GALNT13: variants seen among roughly 807,000 people sequenced by gnomAD.
GALNT13 encodes UDP-GalNAc:polypeptide N-acetylgalactosaminyltransferase 13.
GALNT13 carries 28 observed loss-of-function variants against 64.2 expected under a neutral mutation model. The observed-to-expected ratio is 0.44, with a 90% CI of 0.32 to 0.60. GALNT13 has a LOEUF of 0.60. Among genes scored for constraint, GALNT13 ranks in the 20% least tolerant of loss-of-function variants. GALNT13 has a pLI of 0.05. For synonymous variants in GALNT13, 214 were observed against 224.6 expected (o/e 0.95, Z 0.42); for missense variants, 577 against 669.8 (o/e 0.86, Z 1.53).
At chr2:153,175,317 G>A in the GALNT13 span, among the ~76,000 whole-genome samples, 35 of 152,292 alleles carry the variant, frequency 2.3e-4, no homozygotes, top group South Asian at 3.1e-3. Context: ...GTTTGTATGT[G>A]TGTGTTTATA....
the GALNT13 span, among the ~76,000 whole-genome samples, chr2:153,864,648 AGAAATAAAAGAGGATACAAACAAATG>A: frequency 1.3e-5 from 2 of 152,038 alleles, no homozygotes; most frequent in Non-Finnish European, 1.5e-5. Context: ...CACTGCTCAA[AGAAATAAAAGAGGATACAAACAAATG>A]GAAGAACATT....
intron 3 of GALNT13, among the ~76,000 whole-genome samples, chr2:154,021,469 A>G (rs1697485924): frequency 6.6e-6 from 1 of 152,172 alleles, no homozygotes; most frequent in Non-Finnish European, 1.5e-5. Context: ...AACAATTGTG[A>G]ATGGGAATTC....
At chr2:153,713,209 T>C in the GALNT13 span, among the ~76,000 whole-genome samples, 7 of 152,330 alleles carry the variant, frequency 4.6e-5, no homozygotes. Context: ...AAAAATACTT[T>C]TATTTTTTAG....
At chr2:153,090,154 G>A in the GALNT13 span, among the ~76,000 whole-genome samples, 1,096 of 152,262 alleles carry the variant, frequency 7.2e-3, 12 homozygotes, top group African/African-American at 0.025. Context: ...ATCCTTTGGC[G>A]TGGTGCTCTC....
At chr2:153,702,989 C>T in the GALNT13 span, among the ~76,000 whole-genome samples, 2 of 151,946 alleles carry the variant, frequency 1.3e-5, no homozygotes, top group Non-Finnish European at 2.9e-5. Context: ...GAAACAGATG[C>T]CATTGAAGTA....
At chr2:153,782,062 C>T in the GALNT13 span, among the ~76,000 whole-genome samples, 1 of 152,042 alleles carries the variant, frequency 6.6e-6, no homozygotes, top group Non-Finnish European at 1.5e-5. Context: ...GAATTTCATC[C>T]CACCACCCCC....
the GALNT13 span, among the ~76,000 whole-genome samples, chr2:153,593,536 T>C: frequency 6.6e-6 from 1 of 152,184 alleles, no homozygotes; most frequent in Non-Finnish European, 1.5e-5. Flanking sequence ...TTAATAATCC[T>C]GTTGCTTTTG....
intron 3 of GALNT13, among the ~76,000 whole-genome samples, chr2:154,018,945 T>C (rs906166935): frequency 6.9e-6 from 1 of 144,192 alleles, no homozygotes; most frequent in Non-Finnish European, 1.5e-5. Context: ...AGGGAGGGAA[T>C]AGAGAGAAAT....
At chr2:154,411,539 C>T (rs1471990510) in intron 11 of GALNT13, among the ~76,000 whole-genome samples, 1 of 151,574 alleles carries the variant, frequency 6.6e-6, no homozygotes, top group Non-Finnish European at 1.5e-5. Context: ...AAAAACAATC[C>T]AGACAACTTA....
chr2:153,156,762 C>A, the GALNT13 span, among the ~76,000 whole-genome samples: 3 of 152,192 alleles, frequency 2.0e-5, no homozygotes, highest in Admixed American at 2.0e-4. Context: ...GTGTTTAGGG[C>A]ATGATGCAGC....
chr2:153,375,016 CAGTGACTATAGTGGATTTG>C, the GALNT13 span, among the ~76,000 whole-genome samples: 1 of 152,154 alleles, frequency 6.6e-6, no homozygotes, highest in Admixed American at 6.5e-5. Flanking sequence ...GTACCTGGGA[CAGTGACTATAGTGGATTTG>C]ATATGTAGAA....
intron 1 of GALNT13, among the ~76,000 whole-genome samples, chr2:153,882,804 A>G (rs1686871520): frequency 6.6e-6 from 1 of 151,376 alleles, no homozygotes; most frequent in African/African-American, 2.4e-5. Context: ...AACTTTTATA[A>G]TTTTGTAGAA....
At chr2:153,673,377 A>G in the GALNT13 span, among the ~76,000 whole-genome samples, 1 of 152,220 alleles carries the variant, frequency 6.6e-6, no homozygotes, top group Non-Finnish European at 1.5e-5. Context: ...AGACAGCTTC[A>G]TCCCTGGGAT....
the GALNT13 span, among the ~76,000 whole-genome samples, chr2:153,275,196 CATTT>C: frequency 2.5e-4 from 38 of 152,208 alleles, no homozygotes; most frequent in Non-Finnish European, 4.3e-4. Flanking sequence ...TAGAAACACA[CATTT>C]AGTTTAGTGA....
intron 3 of GALNT13, among the ~76,000 whole-genome samples, chr2:153,980,867 A>G (rs1694415719): frequency 1.3e-5 from 2 of 152,308 alleles, no homozygotes; most frequent in South Asian, 4.1e-4. Flanking sequence ...GGTATCGTGA[A>G]GGTGGCTCAG....
the GALNT13 span, among the ~76,000 whole-genome samples, chr2:153,760,269 TATTTG>T: frequency 6.6e-6 from 1 of 151,956 alleles, no homozygotes; most frequent in African/African-American, 2.4e-5. Flanking sequence ...TTCTAGTCTC[TATTTG>T]ATTTATTTCT....
chr2:153,197,652 G>C, the GALNT13 span, among the ~76,000 whole-genome samples: 8 of 152,188 alleles, frequency 5.3e-5, no homozygotes, highest in African/African-American at 1.9e-4. Context: ...GTGTGTTTGA[G>C]TGGTTGTGTG....
the GALNT13 span, among the ~76,000 whole-genome samples, chr2:153,516,221 T>C: frequency 6.6e-6 from 1 of 152,208 alleles, no homozygotes; most frequent in South Asian, 2.1e-4. Flanking sequence ...AGGCCTGAAC[T>C]GTTTAATATA....
intron 3 of GALNT13, among the ~76,000 whole-genome samples, chr2:154,108,545 C>T (rs1289510818): frequency 6.6e-6 from 1 of 152,036 alleles, no homozygotes; most frequent in East Asian, 1.9e-4. Context: ...GATTTTCACA[C>T]TGTTAATTGT....
Sources: allele counts gnomAD v4.1 joint callset (sites outside exome capture counted in the v4.1 genomes callset), GRCh38; gene constraint gnomAD v4.1.1; transcripts MANE v1.5; gene names NCBI Gene and HGNC (gene_info 2026-07-23, HGNC 2026-07-21).